Variants in BAZ1B observed in about 807,000 individuals in gnomAD.
BAZ1B encodes tyrosine-protein kinase BAZ1B.
A neutral mutation model predicts 153.8 loss-of-function variants in BAZ1B; 22 were observed. The observed-to-expected ratio is 0.14, with a 90% CI of 0.10 to 0.20. BAZ1B has a LOEUF of 0.20. Ranked by LOEUF, BAZ1B falls within the 10% of genes least tolerant of loss-of-function variation. The pLI, the probability that BAZ1B is intolerant of heterozygous loss-of-function variation, is 1.00. For missense variants in BAZ1B, 1,325 were observed against 1,799.3 expected (o/e 0.74, Z 4.77); for synonymous variants, 676 against 633.4 (o/e 1.07, Z -1.01).
At chr7:73,454,976 C>A (rs112463581) in intron 13 of BAZ1B, among the ~76,000 whole-genome samples, 13 of 152,252 alleles carry the variant, frequency 8.5e-5, no homozygotes, top group African/African-American at 3.1e-4. Flanking sequence ...ATGCCTCAGC[C>A]TCCTGAGTAG....
At chr7:73,492,985 A>G (rs1385578199) in intron 4 of BAZ1B, 64 bp from the exon 5 acceptor site, 2 of 1,490,582 alleles carry the variant, frequency 1.3e-6, no homozygotes, top group Non-Finnish European at 9.0e-7. Context: ...TTCATTCATT[A>G]ACAAGTCTTA....
rs1021945314 is a variant in BAZ1B, at chr7:73,515,607, G to A, written c.108-4755C>T. 2.1e-5 allele frequency among the ~76,000 whole-genome samples: 3 copies of A among 140,396 alleles called. No homozygotes were observed. The Admixed American group carries it at 2.4e-4, about 11-fold the overall frequency. 92.1% of individuals were successfully genotyped at this position (140,396 alleles called of 152,430 possible). On this transcript the variant is annotated intron_variant, in intron 1 of 19. Transcript: ENST00000339594. ...AGCTGGAGTGCAATAGCACCATCTC[G>A]CTTCACTGCAACCTTTGCCTCCTGG...
chr7:73,487,905 G>C (rs958252396), intron 6 of BAZ1B, among the ~76,000 whole-genome samples: 1 of 152,184 alleles, frequency 6.6e-6, no homozygotes, highest in Non-Finnish European at 1.5e-5. Context: ...TGCTGGTCTA[G>C]AATAAGAAAA....
At chr7:73,460,183 C>T (rs978120599) in intron 12 of BAZ1B, among the ~76,000 whole-genome samples, 2 of 140,246 alleles carry the variant, frequency 1.4e-5, no homozygotes, top group East Asian at 2.1e-4. Context: ...AGCGAGACTC[C>T]GTCTCAGGGA....
intron 4 of BAZ1B, among the ~76,000 whole-genome samples, chr7:73,495,423 A>C (rs888213721): frequency 6.6e-6 from 1 of 152,238 alleles, no homozygotes; most frequent in Admixed American, 6.5e-5. Flanking sequence ...AATAGCATAT[A>C]ACATTACACT....
chr7:73,470,761 A>C (rs1488274208), intron 7 of BAZ1B, among the ~76,000 whole-genome samples: 1 of 152,166 alleles, frequency 6.6e-6, no homozygotes, highest in Admixed American at 6.5e-5. Context: ...TTTGAGGCAG[A>C]GTCTTGCTCT....
At position 73,442,287 on chromosome 7, in the gene BAZ1B, C is replaced by A. The variant is rs565295237; in HGVS notation, c.4361G>T (p.Arg1454Leu). ...AGCAAGCCTATCAGGAAACTTCTTGCGCTTCCTGCGGACATATGGGTGGCC... is the reference window on the plus strand; with the variant it reads ...AGCAAGCCTATCAGGAAACTTCTTGAGCTTCCTGCGGACATATGGGTGGCC... The part of the protein sequence containing the change: ...LPGHPYVRRK[R>L]KKFPDRLAED... The change falls in exon 19 of 20, where the codon CGC (arginine) becomes CTC (leucine). Residue 1454 changes from arginine to leucine, a missense_variant. By Grantham distance (102) the Arg-to-Leu change is moderately radical (BLOSUM62 -2). Transcript: ENST00000339594. 6.2e-6 allele frequency: 10 copies of A among 1,614,162 alleles called. No homozygotes were observed. In the South Asian group the frequency reaches 1.1e-4, roughly 18 times the overall value.
rs144553465 is a variant in BAZ1B at position 73,445,412 on chromosome 7, G to C, written c.3845-1283C>G. 5.3e-4 allele frequency among the ~76,000 whole-genome samples: 80 copies of C among 152,216 alleles called. 1 individual carries two copies. Among genetic ancestry groups the C allele is most frequent in the African/African-American group, 1.9e-3 (79 of 41,502 alleles). ...CTTTGGTGGTCTGAAAGATAGAGTT[G>C]ACAAAAAGCTCTGAAGTACCAAATA... is the stretch of plus-strand genomic sequence containing the variant. On this transcript the variant is annotated intron_variant, in intron 16 of 19. Transcript: ENST00000339594.
At chr7:73,463,705 C>CTT (rs1216217905) in intron 11 of BAZ1B, among the ~76,000 whole-genome samples, 71 of 147,606 alleles carry the variant, frequency 4.8e-4, no homozygotes, top group African/African-American at 1.7e-3. Context: ...TTTCCTTTGT[C>CTT]TTTTTTTTTT....
In BAZ1B at chr7:73,522,033, G is replaced by C; in HGVS notation, c.-100C>G. 2.4e-6 allele frequency: 2 copies of C among 833,668 alleles called. No individual in the cohort carries two copies. The highest frequency in any genetic ancestry group is 3.2e-6 in the Non-Finnish European group (2 of 625,804). 51.6% of individuals were successfully genotyped at this position (833,668 alleles called of 1,614,324 possible). A position where few individuals can be genotyped will look rare whatever the true frequency, so the allele number is the denominator to read the frequency against. ...GCGAGCGCCAGGCGCCCGGGGGTGG[G>C]GTGGGGGAAGGGAGGGGTGAGAGGG... On this transcript the variant is annotated 5_prime_UTR_variant, in exon 1 of 20. Transcript: ENST00000339594.
At position 73,516,950 on chromosome 7, in the gene BAZ1B, G is replaced by A. The variant is rs888765570; in HGVS notation, c.107+4877C>T. Among the ~76,000 whole-genome samples, 12 of 152,152 alleles carry A rather than the reference G, an allele frequency of 7.9e-5. No homozygotes were observed. The East Asian group carries it at 2.3e-3, about 29-fold the overall frequency. ...AATCCCAGCACTTTGGGAGGCTGAG[G>A]CCGGTGGATCAACTTGAGGTCAGGA... On this transcript the variant is annotated intron_variant, in intron 1 of 19. Transcript: ENST00000339594.
Position 73,519,144 on chromosome 7 carries a change from G to C in BAZ1B, c.107+2683C>G, listed in dbSNP as rs533653417. ...CACAACTTCCACTAAGTTTAATGAA[G>C]ATTCACAATATACTCCAAGAACATA... On this transcript the variant is annotated intron_variant, in intron 1 of 19. Coordinates refer to ENST00000339594, the MANE Select transcript of BAZ1B (RefSeq NM_032408.4). 2.0e-5 allele frequency among the ~76,000 whole-genome samples: 3 copies of C among 152,198 alleles called. No homozygotes were observed. In the East Asian group the frequency reaches 5.8e-4, roughly 29 times the overall value.
At chr7:73,466,475 G>T in intron 9 of BAZ1B, 74 bp from the exon 10 acceptor site, 1 of 959,928 alleles carries the variant, frequency 1.0e-6, no homozygotes, top group Non-Finnish European at 1.7e-6. Flanking sequence ...GCAGTACACA[G>T]TGCCAAACTC....
At position 73,442,346 on chromosome 7, in the gene BAZ1B, C is replaced by G; in HGVS notation, c.4302G>C (p.Gln1434His). ...GTTTATGCAACAGAGCCACTAGACA[C>G]TGTTCTGTCTTCACCATGCAGCTTA... is the stretch of plus-strand genomic sequence containing the variant. Reference protein sequence around the residue: ...HVLSCMVKTEQCLVALLHKHL... With the variant: ...HVLSCMVKTEHCLVALLHKHL... Residue 1434 changes from glutamine (Q) to histidine (H), a missense_variant, in exon 19 of 20, where the codon CAG (glutamine) becomes CAC (histidine). Transcript: ENST00000339594. 1 of 1,614,224 alleles carries G rather than the reference C, an allele frequency of 6.2e-7. No individual in the cohort carries two copies. Among genetic ancestry groups the G allele is most frequent in the Non-Finnish European group, 8.5e-7 (1 of 1,180,048 alleles).
At chr7:73,465,762 T>C (rs1305418449) in intron 10 of BAZ1B, among the ~76,000 whole-genome samples, 2 of 152,166 alleles carry the variant, frequency 1.3e-5, no homozygotes, top group African/African-American at 4.8e-5. Context: ...TATTAAAATA[T>C]TATATGAAAT....
chr7:73,507,452 A>T (rs1239742294), intron 3 of BAZ1B, among the ~76,000 whole-genome samples: 1 of 152,106 alleles, frequency 6.6e-6, no homozygotes, highest in Admixed American at 6.6e-5. Context: ...GGAGGGTGAC[A>T]TGAGAGGATC....
At chr7:73,456,716 C>G (rs1788214545) in intron 13 of BAZ1B, among the ~76,000 whole-genome samples, 2 of 151,760 alleles carry the variant, frequency 1.3e-5, no homozygotes, top group Admixed American at 1.3e-4. Flanking sequence ...CCATGGCCGG[C>G]GGACCACCTG....
intron 7 of BAZ1B, among the ~76,000 whole-genome samples, chr7:73,476,026 T>C (rs1788985344): frequency 6.6e-6 from 1 of 152,168 alleles, no homozygotes; most frequent in Non-Finnish European, 1.5e-5. Context: ...ATTCATGTTG[T>C]AGCATGTAAA....
At chr7:73,479,954 G>A (rs1190538365) in intron 6 of BAZ1B, among the ~76,000 whole-genome samples, 3 of 152,082 alleles carry the variant, frequency 2.0e-5, no homozygotes, top group Non-Finnish European at 4.4e-5. Context: ...CTGATCACAA[G>A]GTCAGGAGAT....
Sources: allele counts gnomAD v4.1 joint callset (sites outside exome capture counted in the v4.1 genomes callset), GRCh38; gene constraint gnomAD v4.1.1; transcripts MANE v1.5; gene names NCBI Gene and HGNC (gene_info 2026-07-23, HGNC 2026-07-21).